Variants in SLC24A3 observed in about 807,000 individuals in gnomAD.
SLC24A3 encodes sodium/potassium/calcium exchanger 3.
In SLC24A3, 28 loss-of-function variants were observed where a neutral mutation model predicts 75.8. That is an observed-to-expected ratio of 0.37 (90% CI 0.27 to 0.51). The LOEUF is 0.51. Ranked by LOEUF, SLC24A3 falls within the 20% of genes least tolerant of loss-of-function variation. The pLI, the probability that SLC24A3 is intolerant of heterozygous loss-of-function variation, is 0.94. For missense variants in SLC24A3, 663 were observed against 847.8 expected, an observed-to-expected ratio of 0.78 and a Z score of 2.71; for synonymous variants, 372 against 334.1, an observed-to-expected ratio of 1.11 and a Z score of -1.24.
At chr20:19,645,126 G>A (rs777755099) in intron 6 of SLC24A3, among the ~76,000 whole-genome samples, 3 of 152,192 alleles carry the variant, frequency 2.0e-5, no homozygotes, top group Non-Finnish European at 2.9e-5. Context: ...ACTGGCTCTT[G>A]TTAATAAGGA....
intron 1 of SLC24A3, among the ~76,000 whole-genome samples, chr20:19,275,801 C>G (rs927603236): frequency 6.6e-6 from 1 of 152,088 alleles, no homozygotes; most frequent in Non-Finnish European, 1.5e-5. Context: ...AGCCAACATC[C>G]CGTGCTATCC....
At chr20:19,362,770 G>A (rs1450850690) in intron 2 of SLC24A3, among the ~76,000 whole-genome samples, 2 of 152,110 alleles carry the variant, frequency 1.3e-5, no homozygotes, top group Admixed American at 6.5e-5. Context: ...AGTCTGATGG[G>A]ACAGTCACAC....
chr20:19,289,030 A>C (rs749448413), intron 2 of SLC24A3, among the ~76,000 whole-genome samples: 5 of 152,068 alleles, frequency 3.3e-5, no homozygotes, highest in Non-Finnish European at 7.4e-5. Context: ...CAGTTGCCTC[A>C]TGTGCTCTGC....
chr20:19,383,057 G>C (rs1328492943), intron 2 of SLC24A3, among the ~76,000 whole-genome samples: 1 of 152,218 alleles, frequency 6.6e-6, no homozygotes, highest in Non-Finnish European at 1.5e-5. Context: ...CGAAGTGCAA[G>C]TGGTAAAGTC....
chr20:19,422,265 C>T (rs1007423757), intron 2 of SLC24A3, among the ~76,000 whole-genome samples: 19 of 152,244 alleles, frequency 1.2e-4, no homozygotes, highest in Middle Eastern at 3.4e-3. Flanking sequence ...TTGTAGCCTC[C>T]GCACTAAACA....
chr20:19,656,848 G>A (rs1376443641), intron 7 of SLC24A3, among the ~76,000 whole-genome samples: 1 of 152,238 alleles, frequency 6.6e-6, no homozygotes, highest in Non-Finnish European at 1.5e-5. Flanking sequence ...TGGACTATGT[G>A]TGAAATCACT....
At position 19,379,358 on chromosome 20, in the gene SLC24A3, G is replaced by A. The variant is rs1033876349; in HGVS notation, c.271+98271G>A. ...GAGGTGGAGAATAATTGGAGATAAG[G>A]CTGGAAGGCCAAGATGCCAGCCACG... On this transcript the variant is annotated intron_variant, in intron 2 of 16. Transcript: ENST00000328041. 2.6e-5 allele frequency among the ~76,000 whole-genome samples: 4 copies of A among 152,292 alleles called. No individual in the cohort carries two copies. The South Asian group carries it at 8.3e-4, about 32-fold the overall frequency.
At chr20:19,338,354 G>A (rs1412844621) in intron 2 of SLC24A3, among the ~76,000 whole-genome samples, 1 of 152,070 alleles carries the variant, frequency 6.6e-6, no homozygotes, top group Non-Finnish European at 1.5e-5. Flanking sequence ...GTTGCATATC[G>A]GATTTCTTCC....
At chr20:19,282,364 A>G (rs1416002351) in intron 2 of SLC24A3, among the ~76,000 whole-genome samples, 2 of 152,262 alleles carry the variant, frequency 1.3e-5, no homozygotes, top group African/African-American at 4.8e-5. Flanking sequence ...TGGAGAATCC[A>G]AGGGTTACTG....
chr20:19,688,220 C>G (rs1002707157), intron 12 of SLC24A3, among the ~76,000 whole-genome samples: 14 of 152,180 alleles, frequency 9.2e-5, no homozygotes, highest in Non-Finnish European at 1.8e-4. Context: ...GAACCGGCTG[C>G]CCCCCATCCT....
At chr20:19,715,019 G>A (rs6081716) in intron 15 of SLC24A3, among the ~76,000 whole-genome samples, 113,857 of 152,108 alleles carry the variant, frequency 0.75, 42,894 homozygotes, top group East Asian at 0.96. Context: ...ATCTGTATGC[G>A]CAGTGCTGAA....
intron 2 of SLC24A3, among the ~76,000 whole-genome samples, chr20:19,417,857 T>C (rs1436135536): frequency 6.6e-6 from 1 of 152,160 alleles, no homozygotes; most frequent in African/African-American, 2.4e-5. Context: ...ACATACTGAA[T>C]GGTGAGACCC....
intron 6 of SLC24A3, among the ~76,000 whole-genome samples, chr20:19,646,458 A>G (rs1204734711): frequency 6.6e-6 from 1 of 152,204 alleles, no homozygotes; most frequent in African/African-American, 2.4e-5. Context: ...GGCAACTTTT[A>G]TAATAAGCCA....
intron 2 of SLC24A3, among the ~76,000 whole-genome samples, chr20:19,478,186 C>A (rs1411664696): frequency 6.6e-6 from 1 of 152,194 alleles, no homozygotes; most frequent in East Asian, 1.9e-4. Context: ...CCTGTCTCAG[C>A]CTTCCTGAAA....
chr20:19,271,716 C>T (rs1004141678), intron 1 of SLC24A3, among the ~76,000 whole-genome samples: 3 of 152,110 alleles, frequency 2.0e-5, no homozygotes, highest in Admixed American at 1.3e-4. Context: ...GACTATTATT[C>T]TCAGTGAAGT....
At chr20:19,487,060 G>C (rs1446871062) in intron 2 of SLC24A3, among the ~76,000 whole-genome samples, 1 of 152,186 alleles carries the variant, frequency 6.6e-6, no homozygotes, top group Non-Finnish European at 1.5e-5. Flanking sequence ...ACCTCAGCCT[G>C]TTTGTTTATA....
At chr20:19,581,880 C>T (rs1472034498) in intron 4 of SLC24A3, among the ~76,000 whole-genome samples, 1 of 152,208 alleles carries the variant, frequency 6.6e-6, no homozygotes, top group Non-Finnish European at 1.5e-5. Flanking sequence ...CCCAGACCCA[C>T]AGCGATACTG....
chr20:19,376,172 A>G (rs1227558589), intron 2 of SLC24A3, among the ~76,000 whole-genome samples: 2 of 152,228 alleles, frequency 1.3e-5, no homozygotes, highest in Non-Finnish European at 2.9e-5. Flanking sequence ...GAACTGTTTC[A>G]TGGAATACAT....
At chr20:19,324,297 C>T (rs1265631981) in intron 2 of SLC24A3, among the ~76,000 whole-genome samples, 2 of 152,208 alleles carry the variant, frequency 1.3e-5, no homozygotes, top group East Asian at 3.8e-4. Flanking sequence ...AGAATCCTGC[C>T]TTCCTTGGTG....
Sources: gnomAD v4.1 joint callset for allele counts (sites outside exome capture counted in the v4.1 genomes callset) on GRCh38, gnomAD v4.1.1 for gene constraint, MANE v1.5 for transcripts, NCBI Gene and HGNC (gene_info 2026-07-23, HGNC 2026-07-21) for gene names.